Variants in CHST9 observed in about 807,000 individuals in gnomAD.
CHST9 encodes carbohydrate sulfotransferase 9.
CHST9 carries 41 observed loss-of-function variants against 44.4 expected under a neutral mutation model. The ratio of observed to expected loss-of-function variants is 0.92; its 90% CI spans 0.72 to 1.20. CHST9 has a LOEUF of 1.20. Among genes scored for constraint, CHST9 ranks in the 50% most tolerant of loss-of-function variants. The probability of loss-of-function intolerance (pLI) is 0.00; values close to 1 mark genes in which losing one functional copy is unlikely to be tolerated. For synonymous variants in CHST9, 171 were observed against 178.4 expected, an observed-to-expected ratio of 0.96 and a Z score of 0.33; for missense variants, 504 against 516.5, an observed-to-expected ratio of 0.98 and a Z score of 0.23.
chr18:27,118,034 TCTA>T (rs1230498564), intron 2 of CHST9, among the ~76,000 whole-genome samples: 1 of 152,210 alleles, frequency 6.6e-6, no homozygotes, highest in Non-Finnish European at 1.5e-5. Flanking sequence ...CTACAATTGT[TCTA>T]CATCTTTGCC....
intron 2 of CHST9, among the ~76,000 whole-genome samples, chr18:27,089,702 G>A (rs922353729): frequency 1.3e-5 from 2 of 152,044 alleles, no homozygotes; most frequent in African/African-American, 4.8e-5. Flanking sequence ...GATCCTTGAG[G>A]AATTGCCACA....
chr18:26,992,096 T>C (rs1419222757), intron 4 of CHST9, among the ~76,000 whole-genome samples: 2 of 127,402 alleles, frequency 1.6e-5, no homozygotes, highest in African/African-American at 5.3e-5. Flanking sequence ...CCCACCCTGT[T>C]CCTATGTTTG....
chr18:27,101,582 C>G (rs2058173015), intron 2 of CHST9, among the ~76,000 whole-genome samples: 1 of 151,378 alleles, frequency 6.6e-6, no homozygotes. Flanking sequence ...TGCAGTCCGG[C>G]CTGGGTGAAA....
intron 3 of CHST9, among the ~76,000 whole-genome samples, chr18:27,029,928 G>GTATTACTTCCATCAA (rs1353809672): frequency 6.6e-6 from 1 of 152,074 alleles, no homozygotes; most frequent in Non-Finnish European, 1.5e-5. Context: ...TCCTTCTTTA[G>GTATTACTTCCATCAA]GTAATACTAT....
At position 26,916,364 on chromosome 18, in the gene CHST9, G is replaced by A. The variant is rs371234835; in HGVS notation, c.1227C>T (p.Val409=). ...TCAGATCCTTTAAATACTGTCTCAC[G>A]ACTTGAGCATTGGTTCTTTCATCGG... ...HSSDERTNAQ[V]VRQYLKDLTR... Residue 409 remains valine (V), a synonymous_variant, in exon 6 of 6, where the codon GTC becomes GTT. Coordinates refer to ENST00000618847, the MANE Select transcript of CHST9 (RefSeq NM_031422.6). 13 of 1,613,516 alleles carry A rather than the reference G, an allele frequency of 8.1e-6. No individual in the cohort carries two copies. The highest frequency in any genetic ancestry group is 1.1e-5 in the Non-Finnish European group (13 of 1,179,652).
At chr18:27,073,509 C>T (rs1294717162) in intron 2 of CHST9, among the ~76,000 whole-genome samples, 1 of 151,932 alleles carries the variant, frequency 6.6e-6, no homozygotes, top group African/African-American at 2.4e-5. Flanking sequence ...ACTGAGGTGA[C>T]ATCAGCAGCA....
chr18:26,920,058 C>G (rs1486829055), intron 5 of CHST9, among the ~76,000 whole-genome samples: 5 of 152,184 alleles, frequency 3.3e-5, no homozygotes, highest in Admixed American at 1.3e-4. Flanking sequence ...GATCTGTCCA[C>G]TTTACACACT....
At chr18:27,071,072 C>T (rs1307364326) in intron 2 of CHST9, among the ~76,000 whole-genome samples, 1 of 152,168 alleles carries the variant, frequency 6.6e-6, no homozygotes, top group Admixed American at 6.5e-5. Flanking sequence ...AGTTTCTGGG[C>T]TCTGAGAATG....
intron 1 of CHST9, among the ~76,000 whole-genome samples, chr18:27,177,723 G>C (rs938586288): frequency 6.6e-6 from 1 of 151,900 alleles, no homozygotes; most frequent in Admixed American, 6.6e-5. Context: ...AGCAAAAGGA[G>C]GCACTCTGAA....
rs1269668781 is a variant in CHST9 at position 26,910,282 on chromosome 18, A to G, written c.*5977T>C. ...CCACTGGATATAGGACCAAAGGGCA[A>G]GCAGCACTGTGAGCAAGGATATGGA... is the stretch of plus-strand genomic sequence containing the variant. On this transcript the variant is annotated 3_prime_UTR_variant, in exon 6 of 6. Transcript: ENST00000618847. 2 of 151,500 alleles carry G rather than the reference A, an allele frequency of 1.3e-5. No individual in the cohort carries two copies. Among genetic ancestry groups the G allele is most frequent in the African/African-American group, 2.4e-5 (1 of 41,130 alleles). 9.4% of individuals were successfully genotyped at this position (151,500 alleles called of 1,614,324 possible).
intron 5 of CHST9, chr18:26,933,198 A>T (rs543560496): frequency 6.5e-6 from 1 of 153,886 alleles, no homozygotes; most frequent in East Asian, 1.9e-4. Context: ...AGCTCTGAAG[A>T]CCAGACTTAG....
At chr18:27,125,526 G>A (rs1295917110) in intron 2 of CHST9, among the ~76,000 whole-genome samples, 1 of 152,020 alleles carries the variant, frequency 6.6e-6, no homozygotes, top group African/African-American at 2.4e-5. Flanking sequence ...AAATAAATTT[G>A]AACCATTTTT....
intron 2 of CHST9, among the ~76,000 whole-genome samples, chr18:27,072,547 A>T (rs1568160736): frequency 6.6e-6 from 1 of 152,112 alleles, no homozygotes; most frequent in Non-Finnish European, 1.5e-5. Flanking sequence ...GCGTGTCCAC[A>T]TGTGTGACCT....
In CHST9 at chr18:26,909,069, A is replaced by C. The variant is rs2055405808; in HGVS notation, c.*7190T>G. ...CCATTTCATTCTGAAAGCTTTCAAA[A>C]AGTTTGGGCAGTGCCCAGTGCTGTC... On this transcript the variant is annotated 3_prime_UTR_variant, in exon 6 of 6. Transcript: ENST00000618847. The C allele has an allele frequency of 6.6e-6, 1 of 152,208 alleles. No homozygotes were observed. The highest frequency in any genetic ancestry group is 1.5e-5 in the Non-Finnish European group (1 of 68,046). The allele number at this position is 152,208 out of a possible 1,614,324, so 9.4% of individuals were successfully genotyped here.
intron 1 of CHST9, among the ~76,000 whole-genome samples, chr18:27,181,316 A>G (rs2058910446): frequency 6.6e-6 from 1 of 152,204 alleles, no homozygotes; most frequent in African/African-American, 2.4e-5. Flanking sequence ...TCTACAACCC[A>G]TTTTGCCCTA....
At chr18:26,962,870 G>C (rs2056418242) in intron 4 of CHST9, among the ~76,000 whole-genome samples, 1 of 152,194 alleles carries the variant, frequency 6.6e-6, no homozygotes, top group Non-Finnish European at 1.5e-5. Flanking sequence ...ATGGTAGATG[G>C]TGTGTTTATG....
chr18:27,027,061 T>C (rs1282526878), intron 3 of CHST9, among the ~76,000 whole-genome samples: 2 of 152,176 alleles, frequency 1.3e-5, no homozygotes, highest in Non-Finnish European at 2.9e-5. Flanking sequence ...ATCCTGAGGG[T>C]TGGAGAGCTT....
intron 2 of CHST9, among the ~76,000 whole-genome samples, chr18:27,103,975 A>T (rs1367158558): frequency 6.6e-6 from 1 of 152,194 alleles, no homozygotes; most frequent in Admixed American, 6.5e-5. Context: ...AGGGGGTGAG[A>T]ATTCAACTTA....
chr18:27,132,477 A>C (rs1385805364), intron 2 of CHST9, among the ~76,000 whole-genome samples: 1 of 152,188 alleles, frequency 6.6e-6, no homozygotes, highest in Admixed American at 6.5e-5. Context: ...TGTCTTCCTT[A>C]GCTTAGGTGC....
Sources: gnomAD v4.1 joint callset for allele counts (sites outside exome capture counted in the v4.1 genomes callset) on GRCh38, gnomAD v4.1.1 for gene constraint, MANE v1.5 for transcripts, NCBI Gene and HGNC (gene_info 2026-07-23, HGNC 2026-07-21) for gene names.